The following PROM2 variants were observed in gnomAD, a reference collection of about 807,000 sequenced individuals.
PROM2 encodes the protein prominin-2.
Under a neutral mutation model 110.2 loss-of-function variants are expected in PROM2, and 90 were observed. That is an observed-to-expected ratio of 0.82 (90% CI 0.69 to 0.97). The LOEUF is 0.97. PROM2 is among the 50% of genes least tolerant of loss of function. The pLI is 0.00. For synonymous variants in PROM2, 470 were observed against 467.8 expected (o/e 1.00, Z -0.06); for missense variants, 1,009 against 1,074.8 (o/e 0.94, Z 0.86).
rs1677074884 is a variant in PROM2 at position 95,281,952 on chromosome 2, CCGT to C, written c.1581_1583del (p.Ser528del). On this transcript the variant is annotated inframe_deletion, in exon 13 of 24. Transcript: ENST00000317620. ...TGCAGACACCCCAGGGAACCTGCCC[CCGT>C]CCATGAACCTGTCGCAACTTCTTGG... The C allele has an allele frequency of 6.2e-7, 1 of 1,614,136 alleles. No homozygotes were observed. The highest frequency in any genetic ancestry group is 8.5e-7 in the Non-Finnish European group (1 of 1,180,004).
At chr2:95,286,045 T>C (rs1351191997) in intron 16 of PROM2, among the ~76,000 whole-genome samples, 1 of 152,236 alleles carries the variant, frequency 6.6e-6, no homozygotes, top group Admixed American at 6.5e-5. Flanking sequence ...GTGTGCCACT[T>C]GTGGGATTTG....
Position 95,275,584 on chromosome 2 carries a change from G to C in PROM2, c.294+74G>C. ...AGCAGGGTGGGAGCAGAAAAGCCTT[G>C]GCTCCCCTTAGCCCACCTCGCTGGG... On this transcript the variant is annotated intron_variant, in intron 2 of 23. Coordinates refer to ENST00000317620, the MANE Select transcript of PROM2 (RefSeq NM_001165978.3). The surrounding 1 kb of genome is among the most constrained non-coding windows in gnomAD (Gnocchi z 4.4). 1 of 1,562,166 alleles carries C rather than the reference G, an allele frequency of 6.4e-7. No homozygotes were observed. The highest frequency in any genetic ancestry group is 8.7e-7 in the Non-Finnish European group (1 of 1,143,404).
intron 8 of PROM2, chr2:95,278,357 A>G (rs1466188511): frequency 1.5e-5 from 8 of 524,438 alleles, no homozygotes; most frequent in Admixed American, 3.2e-5. Flanking sequence ...ATGATGAGTC[A>G]GCCATGCTGG....
In PROM2 at chr2:95,275,805, C is replaced by T. The variant is rs913979459; in HGVS notation, c.295-125C>T. 6.6e-5 allele frequency: 99 copies of T among 1,506,548 alleles called. 1 individual carries two copies. In the Middle Eastern group the frequency reaches 1.1e-3, roughly 17 times the overall value. The allele number at this position is 1,506,548 out of a possible 1,614,324, so 93.3% of individuals were successfully genotyped here. A position where few individuals can be genotyped will look rare whatever the true frequency, so the allele number is the denominator to read the frequency against. On this transcript the variant is annotated intron_variant, in intron 2 of 23. Coordinates refer to ENST00000317620, the MANE Select transcript of PROM2 (RefSeq NM_001165978.3). The surrounding 1 kb of genome is among the most constrained non-coding windows in gnomAD (Gnocchi z 4.4). ...AATGCGGTCACCTCTGGGACGGGTT[C>T]CATGAGATGCAGGCCATGCCCCTGA...
intron 15 of PROM2, 121 bp from the exon 16 acceptor site, chr2:95,285,518 A>G (rs1278294904): frequency 8.0e-6 from 6 of 747,120 alleles, no homozygotes; most frequent in Non-Finnish European, 1.3e-5. Context: ...ATGTGTCACA[A>G]TACACTTAGC....
chr2:95,274,736 GC>G lies in PROM2; in HGVS notation c.155del (p.Pro52LeufsTer33). On this transcript the variant is annotated frameshift_variant, in exon 1 of 24. Transcript: ENST00000317620. LOFTEE classifies it high-confidence loss of function. ...FTPAARARWL[A>X]PRVRAPGLLD... is the part of the protein sequence containing the mutation. ...CCCAGCAGCCAGGGCCCGGTGGCTG[GC>G]CCCTCGAGTTCGTGCGCCAGGACTC... 1 of 1,611,938 alleles carries G rather than the reference GC, an allele frequency of 6.2e-7. No individual in the cohort carries two copies. The highest frequency in any genetic ancestry group is 8.5e-7 in the Non-Finnish European group (1 of 1,179,874).
In PROM2 at chr2:95,278,718, C is replaced by T. The variant is rs1200657430; in HGVS notation, c.1051-3C>T. 1 of 1,614,078 alleles carries T rather than the reference C, an allele frequency of 6.2e-7. No homozygotes were observed. Among genetic ancestry groups the T allele is most frequent in the South Asian group, 1.1e-5 (1 of 91,076 alleles). On this transcript the variant is annotated splice_region_variant and splice_polypyrimidine_tract_variant and intron_variant, in intron 8 of 23. Coordinates refer to ENST00000317620, the MANE Select transcript of PROM2 (RefSeq NM_001165978.3). ...GAGGCCCAGCACTACTTGGTTCCTG[C>T]AGGAGAACAGCACCTTCAACGCCCT...
intron 6 of PROM2, 75 bp downstream of exon 6, chr2:95,277,136 C>A: frequency 7.4e-7 from 1 of 1,345,482 alleles, no homozygotes; most frequent in Non-Finnish European, 1.0e-6. Flanking sequence ...CTGCACCTAG[C>A]CCTGGATTTC....
chr2:95,288,404 C>T, intron 21 of PROM2, 79 bp from the exon 22 acceptor site: 1 of 1,580,316 alleles, frequency 6.3e-7, no homozygotes, highest in South Asian at 1.1e-5. Flanking sequence ...ATGGCCTCTG[C>T]CCCGGCTCTG....
At chr2:95,277,102 G>C in intron 6 of PROM2, 41 bp downstream of exon 6, 1 of 1,520,618 alleles carries the variant, frequency 6.6e-7, no homozygotes, top group Non-Finnish European at 8.9e-7. Flanking sequence ...GAGCCCAGCG[G>C]GTGTCCTCCT....
At chr2:95,282,397 C>T (rs990182080) in intron 14 of PROM2, among the ~76,000 whole-genome samples, 171 bp downstream of exon 14, 14 of 152,182 alleles carry the variant, frequency 9.2e-5, no homozygotes, top group African/African-American at 2.9e-4. Context: ...GGGAAGGTTC[C>T]GGGTGTGTAG....
chr2:95,275,510 G>C lies in PROM2; in HGVS notation c.294G>C (p.Glu98Asp). The C allele has an allele frequency of 6.2e-7, 1 of 1,613,914 alleles. No homozygotes were observed. The highest frequency in any genetic ancestry group is 8.5e-7 in the Non-Finnish European group (1 of 1,179,888). The change falls in exon 2 of 24, where the codon GAG (glutamate) becomes GAC (aspartate). Residue 98 changes from glutamate to aspartate, a missense_variant and splice_region_variant. Glu to Asp is a conservative substitution (Grantham distance 45, BLOSUM62 2). Coordinates refer to ENST00000317620, the MANE Select transcript of PROM2 (RefSeq NM_001165978.3). This position sits in a 1 kb window ranked among gnomAD's most constrained non-coding sequence, Gnocchi z 4.4. Reference protein sequence around the residue: ...LNELASVKVNEVVRYEAGYVV... With the variant: ...LNELASVKVNDVVRYEAGYVV... ...AGCTGGCCTCCGTGAAGGTGAATGA[G>C]GTGAGCAAGCTGGGGAAAGGTGCTG...
At position 95,274,550 on chromosome 2, in the gene PROM2, C is replaced by G. The variant is rs1413561633; in HGVS notation, c.-36C>G. On this transcript the variant is annotated 5_prime_UTR_variant, in exon 1 of 24. Coordinates refer to ENST00000317620, the MANE Select transcript of PROM2 (RefSeq NM_001165978.3). Reference sequence around the variant, plus strand: ...ATGGCCTGCCCTGGGCTTGTCTGTTCCCTCCTGAGCCTGAGCCCCTTACCT... The same window carrying G: ...ATGGCCTGCCCTGGGCTTGTCTGTTGCCTCCTGAGCCTGAGCCCCTTACCT... 3 of 1,529,898 alleles carry G rather than the reference C, an allele frequency of 2.0e-6. No homozygotes were observed. The highest frequency in any genetic ancestry group is 2.8e-5 in the African/African-American group (2 of 72,386). The allele number at this position is 1,529,898 out of a possible 1,614,324, so 94.8% of individuals were successfully genotyped here.
In PROM2 at chr2:95,285,050, C is replaced by A; in HGVS notation, c.1810C>A (p.Arg604=). ...GGACCTGCTGAGCTCAGCCGCCCGC[C>A]GGGACCTGGAGGCCCTGCAGAGCAG... ...SLDLLSSAAR[R]DLEALQSSGL... Residue 604 remains arginine (R), a synonymous_variant, in exon 15 of 24, where the codon CGG becomes AGG. Coordinates refer to ENST00000317620, the MANE Select transcript of PROM2 (RefSeq NM_001165978.3). 1 of 1,598,424 alleles carries A rather than the reference C, an allele frequency of 6.3e-7. No homozygotes were observed. The highest frequency in any genetic ancestry group is 8.5e-7 in the Non-Finnish European group (1 of 1,171,802).
rs761314820 is a variant in PROM2, at chr2:95,276,336, G to A, written c.607G>A (p.Asp203Asn). 1.1e-5 allele frequency: 17 copies of A among 1,613,582 alleles called. No individual in the cohort carries two copies. In the South Asian group the frequency reaches 1.9e-4, roughly 18 times the overall value. ...TLLSLWGLVS[D>N]VPQELQAVAQ... is the part of the protein sequence containing the mutation. ...GCTCAGCCTCTGGGGCCTGGTCTCT[G>A]ATGTCCCCCAAGTGAGCACTGTTAC... Residue 203 changes from aspartate (D) to asparagine (N), a missense_variant, in exon 4 of 24, where the codon GAT becomes AAT. By Grantham distance (23) the Asp-to-Asn change is conservative (BLOSUM62 1). Coordinates refer to ENST00000317620, the MANE Select transcript of PROM2 (RefSeq NM_001165978.3). The surrounding 1 kb of genome is among the most constrained non-coding windows in gnomAD (Gnocchi z 4.6).
At position 95,277,477 on chromosome 2, in the gene PROM2, G is replaced by A; in HGVS notation, c.886G>A (p.Glu296Lys). Residue 296 changes from glutamate (E) to lysine (K), a missense_variant, in exon 7 of 24, where the codon GAG becomes AAG. By Grantham distance (56) the Glu-to-Lys change is moderately conservative. Coordinates refer to ENST00000317620, the MANE Select transcript of PROM2 (RefSeq NM_001165978.3). ...CCGGGAACACCGGGACCGCCTCCTT[G>A]AGCTGCTGCAGGAGGCCAGGTGCCA... is the stretch of plus-strand genomic sequence containing the variant. Reference protein sequence around the residue: ...AIREHRDRLLELLQEARCQGD... With the variant: ...AIREHRDRLLKLLQEARCQGD... 6.2e-7 allele frequency: 1 copy of A among 1,612,738 alleles called. No homozygotes were observed. The highest frequency in any genetic ancestry group is 1.1e-5 in the South Asian group (1 of 90,978).
chr2:95,285,786 G>A (rs1677322880), intron 16 of PROM2, 76 bp downstream of exon 16: 2 of 1,421,864 alleles, frequency 1.4e-6, no homozygotes, highest in Admixed American at 2.0e-5. Flanking sequence ...GTGGGAGGAT[G>A]TGAGGGCAAA....
intron 14 of PROM2, among the ~76,000 whole-genome samples, chr2:95,284,474 G>T (rs112420538): frequency 6.6e-6 from 1 of 151,740 alleles, no homozygotes; most frequent in Non-Finnish European, 1.5e-5. Flanking sequence ...CTGGGCAACA[G>T]AGCAAGACCC....
chr2:95,275,871 A>G lies in PROM2; in HGVS notation c.295-59A>G. 6.4e-7 allele frequency: 1 copy of G among 1,559,582 alleles called. No homozygotes were observed. The highest frequency in any genetic ancestry group is 2.4e-5 in the East Asian group (1 of 42,336). On this transcript the variant is annotated intron_variant, in intron 2 of 23. Coordinates refer to ENST00000317620, the MANE Select transcript of PROM2 (RefSeq NM_001165978.3). The surrounding 1 kb of genome is among the most constrained non-coding windows in gnomAD (Gnocchi z 4.4). ...TTCTGGTTTCCCTCTGGACTCAGGCAGAAGCCAGGGCTGGGCAGTGGGGGT... is the reference window on the plus strand; with the variant it reads ...TTCTGGTTTCCCTCTGGACTCAGGCGGAAGCCAGGGCTGGGCAGTGGGGGT...
Sources: gnomAD v4.1 joint callset for allele counts (sites outside exome capture counted in the v4.1 genomes callset) on GRCh38, gnomAD v4.1.1 for gene constraint, Gnocchi (gnomAD v3.1) non-coding constraint, MANE v1.5 for transcripts, NCBI Gene and HGNC (gene_info 2026-07-23, HGNC 2026-07-21) for gene names.